The following RABEP1 variants were observed in gnomAD, a reference collection of about 807,000 sequenced individuals.
RABEP1 encodes the protein rabaptin, RAB GTPase binding effector protein 1.
A neutral mutation model predicts 123.4 loss-of-function variants in RABEP1; 51 were observed. The ratio of observed to expected loss-of-function variants is 0.41; its 90% CI spans 0.33 to 0.52. The LOEUF (loss-of-function observed/expected upper bound fraction) is 0.52, where lower values mean the gene tolerates loss of function less well. Ranked by LOEUF, RABEP1 falls within the 20% of genes least tolerant of loss-of-function variation. The probability of loss-of-function intolerance (pLI) is 0.16; values close to 1 mark genes in which losing one functional copy is unlikely to be tolerated. For synonymous variants in RABEP1, 347 were observed against 355.2 expected, an observed-to-expected ratio of 0.98 and a Z score of 0.26; for missense variants, 888 against 996.3, an observed-to-expected ratio of 0.89 and a Z score of 1.46.
intron 1 of RABEP1, among the ~76,000 whole-genome samples, chr17:5,288,505 C>T (rs2075000841): frequency 6.6e-6 from 1 of 152,070 alleles, no homozygotes; most frequent in Non-Finnish European, 1.5e-5. Context: ...AAGTGATTCT[C>T]CTGCCTCAGC....
In RABEP1 at chr17:5,344,792, AAAAG is replaced by A. The variant is rs1315176359; in HGVS notation, c.649-1997_649-1994del. On this transcript the variant is annotated intron_variant, in intron 5 of 17. Coordinates refer to ENST00000537505, the MANE Select transcript of RABEP1 (RefSeq NM_004703.6). Reference sequence around the variant, plus strand: ...GTCTCAAAAAAAAAAAAAAAAAAAAAAAAGGAAAAACAGGTAAAGTATAGCTAGG... The same window carrying A: ...GTCTCAAAAAAAAAAAAAAAAAAAAAGAAAAACAGGTAAAGTATAGCTAGG... 4.0e-5 allele frequency among the ~76,000 whole-genome samples: 6 copies of A among 150,506 alleles called. No homozygotes were observed. The South Asian group carries it at 6.3e-4, about 16-fold the overall frequency.
At chr17:5,299,328 A>G (rs1275892213) in intron 1 of RABEP1, among the ~76,000 whole-genome samples, 1 of 149,330 alleles carries the variant, frequency 6.7e-6, no homozygotes, top group African/African-American at 2.5e-5. Context: ...AGTTCCTTTT[A>G]GTGGGGAATG....
chr17:5,353,353 C>T (rs1487977032), intron 7 of RABEP1, among the ~76,000 whole-genome samples: 1 of 152,176 alleles, frequency 6.6e-6, no homozygotes, highest in African/African-American at 2.4e-5. Context: ...TGAAATCAGT[C>T]ATTGTTTTTC....
chr17:5,380,323 G>A (rs371225705), intron 15 of RABEP1, 41 bp from the exon 16 acceptor site: 1 of 1,406,948 alleles, frequency 7.1e-7, no homozygotes. Context: ...CTGGGGCCCA[G>A]AGGGAGTTTC....
Position 5,296,199 on chromosome 17 carries a change from G to C in RABEP1, c.35-12495G>C, listed in dbSNP as rs180986070. 1.9e-3 allele frequency among the ~76,000 whole-genome samples: 293 copies of C among 152,256 alleles called. 3 individuals carry two copies. The highest frequency in any genetic ancestry group is 0.016 in the Admixed American group (242 of 15,284). On this transcript the variant is annotated intron_variant, in intron 1 of 17. Transcript: ENST00000537505. ...TTTGCTAAGGTTCGAGAATTTTTGC[G>C]ATTATATTCATAAGTGAGATTGGCT...
At chr17:5,300,177 T>A (rs1267203540) in intron 1 of RABEP1, among the ~76,000 whole-genome samples, 2 of 152,068 alleles carry the variant, frequency 1.3e-5, no homozygotes, top group Admixed American at 1.3e-4. Context: ...AGTGCATGAG[T>A]TTTTCATTTC....
chr17:5,338,736 A>G (rs901497054), intron 5 of RABEP1, among the ~76,000 whole-genome samples: 2 of 152,146 alleles, frequency 1.3e-5, no homozygotes, highest in Non-Finnish European at 2.9e-5. Flanking sequence ...TCATTTTCCT[A>G]TTAAGGAAAA....
At chr17:5,350,237 G>A (rs1908408924) in intron 6 of RABEP1, among the ~76,000 whole-genome samples, 1 of 152,024 alleles carries the variant, frequency 6.6e-6, no homozygotes, top group Non-Finnish European at 1.5e-5. Flanking sequence ...AAAATTAGCC[G>A]GGCATGGTGG....
Position 5,361,479 on chromosome 17 carries a change from C to A in RABEP1, c.1367C>A (p.Ser456Tyr). The change falls in exon 9 of 18, where the codon TCC (serine) becomes TAC (tyrosine). Residue 456 changes from serine (S) to tyrosine (Y), a missense_variant. Ser to Tyr is a moderately radical substitution (Grantham distance 144). Transcript: ENST00000537505. Reference sequence around the variant, plus strand: ...GTGTCTGAGAACTTTGATACTGCATCCCTTGGGTCACTCCAGATGCCAAGT... The same window carrying A: ...GTGTCTGAGAACTTTGATACTGCATACCTTGGGTCACTCCAGATGCCAAGT... The part of the protein sequence containing the change: ...DSVSENFDTA[S>Y]LGSLQMPSGF... The A allele has an allele frequency of 1.2e-6, 2 of 1,614,154 alleles. No homozygotes were observed. Among genetic ancestry groups the A allele is most frequent in the Non-Finnish European group, 1.7e-6 (2 of 1,180,036 alleles).
At chr17:5,312,214 A>G (rs919578503) in intron 2 of RABEP1, among the ~76,000 whole-genome samples, 2 of 152,188 alleles carry the variant, frequency 1.3e-5, no homozygotes, top group African/African-American at 4.8e-5. Context: ...TGGCACAACA[A>G]TCTTGGCTCA....
chr17:5,364,675 G>T (rs1003023968), intron 10 of RABEP1, among the ~76,000 whole-genome samples: 2 of 148,772 alleles, frequency 1.3e-5, no homozygotes, highest in African/African-American at 5.0e-5. Context: ...GGAGGTTGCA[G>T]TGAGCCGAGA....
intron 11 of RABEP1, among the ~76,000 whole-genome samples, chr17:5,366,745 G>A (rs1287257850): frequency 6.6e-6 from 1 of 151,724 alleles, no homozygotes; most frequent in Non-Finnish European, 1.5e-5. Context: ...CCCATCAGTA[G>A]CTTATGTCTT....
At chr17:5,286,808 T>C (rs1243810534) in intron 1 of RABEP1, among the ~76,000 whole-genome samples, 2 of 151,860 alleles carry the variant, frequency 1.3e-5, no homozygotes, top group African/African-American at 4.8e-5. Flanking sequence ...CGTAAGCAAA[T>C]GATACGGGTT....
At chr17:5,287,746 C>T (rs1410487375) in intron 1 of RABEP1, among the ~76,000 whole-genome samples, 5 of 151,788 alleles carry the variant, frequency 3.3e-5, no homozygotes, top group Non-Finnish European at 5.9e-5. Context: ...ATGGCAAAAC[C>T]GCATCTCTAC....
intron 5 of RABEP1, among the ~76,000 whole-genome samples, chr17:5,338,882 T>C (rs1907328883): frequency 6.6e-6 from 1 of 151,978 alleles, no homozygotes; most frequent in Non-Finnish European, 1.5e-5. Flanking sequence ...ACAGGCCAGG[T>C]GTTGTGGCTC....
intron 6 of RABEP1, among the ~76,000 whole-genome samples, 175 bp from the exon 7 acceptor site, chr17:5,350,276 A>G (rs1293507285): frequency 1.3e-5 from 2 of 152,036 alleles, no homozygotes; most frequent in Admixed American, 1.3e-4. Context: ...GCTACTCCGG[A>G]GGCTGAGGCA....
chr17:5,367,188 T>C (rs536701047), intron 11 of RABEP1, among the ~76,000 whole-genome samples: 4 of 152,170 alleles, frequency 2.6e-5, no homozygotes, highest in African/African-American at 9.6e-5. Flanking sequence ...TATGAAGATA[T>C]CCTATATTAT....
intron 5 of RABEP1, among the ~76,000 whole-genome samples, chr17:5,343,570 A>G (rs749049028): frequency 6.6e-6 from 1 of 151,342 alleles, no homozygotes; most frequent in African/African-American, 2.4e-5. Context: ...GTAACGAACT[A>G]TCTTAATTAT....
intron 1 of RABEP1, among the ~76,000 whole-genome samples, chr17:5,297,823 G>T (rs1326420160): frequency 6.6e-6 from 1 of 152,208 alleles, no homozygotes; most frequent in East Asian, 1.9e-4. Flanking sequence ...CAGAGCCTGT[G>T]CTCTCAGCTG....
Sources: gnomAD v4.1 joint callset for allele counts (sites outside exome capture counted in the v4.1 genomes callset) on GRCh38, gnomAD v4.1.1 for gene constraint, MANE v1.5 for transcripts, NCBI Gene and HGNC (gene_info 2026-07-23, HGNC 2026-07-21) for gene names.